The following TCFL5 variants were observed in gnomAD, a reference collection of about 807,000 sequenced individuals.
TCFL5 encodes the protein transcription factor-like 5 protein.
In TCFL5, 9 loss-of-function variants were observed where a neutral mutation model predicts 44.3. The observed-to-expected ratio is 0.20, with a 90% CI of 0.12 to 0.35. TCFL5 has a LOEUF of 0.35. Ranked by LOEUF, TCFL5 falls within the 10% of genes least tolerant of loss-of-function variation. TCFL5 has a pLI of 1.00. For missense variants in TCFL5, 603 were observed against 613.4 expected (o/e 0.98, Z 0.18); for synonymous variants, 319 against 271.6 (o/e 1.17, Z -1.72).
At chr20:62,845,623 G>A (rs532841423) in intron 5 of TCFL5, 119 of 1,595,308 alleles carry the variant, frequency 7.5e-5, no homozygotes, top group African/African-American at 6.9e-4. Flanking sequence ...AGCTGGTCTC[G>A]GACTGCTGGG....
intron 5 of TCFL5, chr20:62,851,859 CA>C: frequency 2.0e-6 from 2 of 977,364 alleles, no homozygotes; most frequent in Non-Finnish European, 2.4e-6. Flanking sequence ...ACCCAGGCTG[CA>C]GTGCAGTGGT....
chr20:62,855,860 T>C (rs1031904233), intron 4 of TCFL5, among the ~76,000 whole-genome samples: 2 of 152,194 alleles, frequency 1.3e-5, no homozygotes, highest in Non-Finnish European at 2.9e-5. Context: ...CTCACTGTTA[T>C]TTATTTCCTG....
chr20:62,860,863 T>C (rs1487963832), intron 1 of TCFL5, among the ~76,000 whole-genome samples, 161 bp downstream of exon 1: 1 of 151,992 alleles, frequency 6.6e-6, no homozygotes, highest in Non-Finnish European at 1.5e-5. Context: ...GCACACAGCC[T>C]TTCGGGGCGG....
chr20:62,853,604 G>A (rs1363744506), intron 5 of TCFL5, among the ~76,000 whole-genome samples: 1 of 152,194 alleles, frequency 6.6e-6, no homozygotes, highest in Non-Finnish European at 1.5e-5. Flanking sequence ...TCCCACTTCA[G>A]CCTCCCAAAG....
chr20:62,845,442 GT>G, intron 5 of TCFL5: 1 of 1,308,882 alleles, frequency 7.6e-7, no homozygotes, highest in Non-Finnish European at 9.8e-7. Context: ...ATTTTAAAAG[GT>G]TTTAGGATGC....
chr20:62,857,400 A>T lies in TCFL5; in HGVS notation c.1233T>A (p.Asp411Glu). The change falls in exon 4 of 6, where the codon GAT (aspartate) becomes GAA (glutamate). Residue 411 changes from aspartate to glutamate, a missense_variant. Physicochemically the swap from Asp to Glu is conservative, Grantham distance 45 (BLOSUM62 2). This residue lies in a region of TCFL5 where 21 missense variants were observed against 54.0 expected (regional missense o/e 0.39). Transcript: ENST00000335351. ...CAAGCAGTCACACGTATTACCTTCT[A>T]TCTCTTTCCATTCGGTTATGCCTCT... ...RRERHNRMER[D>E]RRRRIRICCD... 2.5e-6 allele frequency: 4 copies of T among 1,614,108 alleles called. No individual in the cohort carries two copies. Among genetic ancestry groups the T allele is most frequent in the Non-Finnish European group, 3.4e-6 (4 of 1,180,006 alleles).
chr20:62,861,201 G>A lies in TCFL5; in HGVS notation c.470C>T (p.Ala157Val). Residue 157 changes from alanine to valine, a missense_variant, in exon 1 of 6, where the codon GCC (alanine) becomes GTC (valine). By Grantham distance (64) the Ala-to-Val change is moderately conservative. This residue lies in a region of TCFL5 where 540 missense variants were observed against 478.7 expected (regional missense o/e 1.13). Coordinates refer to ENST00000335351, the MANE Select transcript of TCFL5 (RefSeq NM_006602.4). This position sits in a 1 kb window ranked among gnomAD's most constrained non-coding sequence, Gnocchi z 4.0. ...GDGARARADG[A>V]AKEGAGAAAA... The stretch of plus-strand genomic sequence containing the variant: ...AGCCGCGCCCGCGCCCTCCTTGGCG[G>A]CGCCGTCGGCCCGGGCCCTCGCTCC... 2.9e-6 allele frequency: 3 copies of A among 1,051,350 alleles called. No individual in the cohort carries two copies. Among genetic ancestry groups the A allele is most frequent in the Admixed American group, 5.6e-5 (1 of 17,894 alleles). The allele number at this position is 1,051,350 out of a possible 1,614,324, so 65.1% of individuals were successfully genotyped here.
chr20:62,857,528 C>T lies in TCFL5; in HGVS notation c.1105G>A (p.Ala369Thr). The T allele has an allele frequency of 6.2e-7, 1 of 1,614,234 alleles. No individual in the cohort carries two copies. The highest frequency in any genetic ancestry group is 8.5e-7 in the Non-Finnish European group (1 of 1,180,044). Residue 369 changes from alanine to threonine, a missense_variant, in exon 4 of 6, where the codon GCC (alanine) becomes ACC (threonine). Ala to Thr is a moderately conservative substitution (Grantham distance 58). Coordinates refer to ENST00000335351, the MANE Select transcript of TCFL5 (RefSeq NM_006602.4). ...TGCCAAGCGCCTTGTGTGGCGGTGG[C>T]ACCTTCGCCCACATTCTGAATCTCT... The part of the protein sequence containing the change: ...LGEIQNVGEG[A>T]TATQGAWQSS...
At chr20:62,845,411 C>T (rs1422930806) in intron 5 of TCFL5, 27 of 1,225,442 alleles carry the variant, frequency 2.2e-5, no homozygotes, top group Non-Finnish European at 2.6e-5. Context: ...GCGTGAGCTA[C>T]GACGCCCAGC....
intron 5 of TCFL5, chr20:62,851,572 G>A (rs2063810322): frequency 1.0e-6 from 1 of 985,202 alleles, no homozygotes; most frequent in Non-Finnish European, 1.2e-6. Context: ...TAACTGCATT[G>A]TAAATAACCA....
At position 62,861,645 on chromosome 20, in the gene TCFL5, G is replaced by A. The variant is rs1162906712; in HGVS notation, c.26C>T (p.Pro9Leu). ...GCCTGCCGCGCCTGCCTCCGGCGGC[G>A]GCTCCCGCGGTCCGGGGCCCGACAT... is the stretch of plus-strand genomic sequence containing the variant. Reference protein sequence around the residue: MSGPGPREPPPEAGAAGGE... With the variant: MSGPGPRELPPEAGAAGGE... The change falls in exon 1 of 6, where the codon CCG becomes CTG. Residue 9 changes from proline (P) to leucine (L), a missense_variant. Pro to Leu is a moderately conservative substitution (Grantham distance 98). Coordinates refer to ENST00000335351, the MANE Select transcript of TCFL5 (RefSeq NM_006602.4). The surrounding 1 kb of genome is among the most constrained non-coding windows in gnomAD (Gnocchi z 4.0). 7.3e-6 allele frequency: 7 copies of A among 959,228 alleles called. No homozygotes were observed. The highest frequency in any genetic ancestry group is 6.2e-5 in the Admixed American group (1 of 16,080). The allele number at this position is 959,228 out of a possible 1,614,324, so 59.4% of individuals were successfully genotyped here. A position where few individuals can be genotyped will look rare whatever the true frequency, so the allele number is the denominator to read the frequency against.
In TCFL5 at chr20:62,842,226, TCA is replaced by T. The variant is rs1211867451; in HGVS notation, c.1381-131_1381-130del. On this transcript the variant is annotated intron_variant, in intron 5 of 5. Coordinates refer to ENST00000335351, the MANE Select transcript of TCFL5 (RefSeq NM_006602.4). This position sits in a 1 kb window ranked among gnomAD's most constrained non-coding sequence, Gnocchi z 4.3. Reference sequence around the variant, plus strand: ...AGAATACGCTGTTTTAAGGTGTCATTCACAAACTTGTGTCTTACCTCACAAGG... The same window carrying T: ...AGAATACGCTGTTTTAAGGTGTCATTCAAACTTGTGTCTTACCTCACAAGG... 8.2e-7 allele frequency: 1 copy of T among 1,223,418 alleles called. No homozygotes were observed. Among genetic ancestry groups the T allele is most frequent in the Non-Finnish European group, 1.1e-6 (1 of 886,960 alleles). The allele number at this position is 1,223,418 out of a possible 1,614,324, so 75.8% of individuals were successfully genotyped here.
intron 3 of TCFL5, among the ~76,000 whole-genome samples, chr20:62,858,083 AAAC>A (rs1050776568): frequency 6.8e-4 from 103 of 152,356 alleles, no homozygotes; most frequent in African/African-American, 2.4e-3. Context: ...CAAGAAAAAA[AAAC>A]AATTATTCTA....
intron 5 of TCFL5, among the ~76,000 whole-genome samples, chr20:62,844,623 G>A (rs1010386039): frequency 6.7e-6 from 1 of 148,694 alleles, no homozygotes; most frequent in African/African-American, 2.6e-5. Context: ...TGTCACCCAG[G>A]CTGGAGTGCA....
At position 62,841,871 on chromosome 20, in the gene TCFL5, C is replaced by T; in HGVS notation, c.*104G>A. 6.7e-7 allele frequency: 1 copy of T among 1,502,502 alleles called. No individual in the cohort carries two copies. The highest frequency in any genetic ancestry group is 9.0e-7 in the Non-Finnish European group (1 of 1,117,306). 93.1% of individuals were successfully genotyped at this position (1,502,502 alleles called of 1,614,324 possible). On this transcript the variant is annotated 3_prime_UTR_variant, in exon 6 of 6. Coordinates refer to ENST00000335351, the MANE Select transcript of TCFL5 (RefSeq NM_006602.4). ...GAGTCCCGTCAGCTTGAGTCACGCCCTTTTCGAGTCAGACTAGCCGAGCAG... is the reference window on the plus strand; with the variant it reads ...GAGTCCCGTCAGCTTGAGTCACGCCTTTTTCGAGTCAGACTAGCCGAGCAG...
chr20:62,842,779 TAA>T lies in TCFL5; in HGVS notation c.1381-684_1381-683del, dbSNP rs1275516310. ...ACTCCGTCTCAAAAAAATAAATTTTTAAAAAGTTTCAACAATTAACAAGTCAG... is the reference window on the plus strand; with the variant it reads ...ACTCCGTCTCAAAAAAATAAATTTTTAAAGTTTCAACAATTAACAAGTCAG... On this transcript the variant is annotated intron_variant, in intron 5 of 5. Transcript: ENST00000335351. This position sits in a 1 kb window ranked among gnomAD's most constrained non-coding sequence, Gnocchi z 4.3. 6.6e-6 allele frequency among the ~76,000 whole-genome samples: 1 copy of T among 152,162 alleles called. No homozygotes were observed.
chr20:62,860,374 C>T lies in TCFL5; in HGVS notation c.648-66G>A, dbSNP rs370537771. The T allele has an allele frequency of 6.2e-5, 91 of 1,460,772 alleles. 1 individual carries two copies. The East Asian group carries it at 1.0e-3, about 16-fold the overall frequency. 90.5% of individuals were successfully genotyped at this position (1,460,772 alleles called of 1,614,324 possible). On this transcript the variant is annotated intron_variant, in intron 1 of 5. Coordinates refer to ENST00000335351, the MANE Select transcript of TCFL5 (RefSeq NM_006602.4). ...TGGCAGACAAGCATCCACCATCCCA[C>T]TCCCATGGCTCTGGCTAGTTTTTCC... is the stretch of plus-strand genomic sequence containing the variant.
chr20:62,851,502 C>T, intron 5 of TCFL5: 1 of 983,724 alleles, frequency 1.0e-6, no homozygotes, highest in Non-Finnish European at 1.2e-6. Context: ...TTTTAAAACA[C>T]AAAAGCTTTA....
intron 2 of TCFL5, 35 bp downstream of exon 2, chr20:62,860,090 C>A: frequency 6.3e-7 from 1 of 1,575,158 alleles, no homozygotes; most frequent in East Asian, 2.3e-5. Flanking sequence ...CCATTTAATA[C>A]AAAAGAGCAA....
Sources: allele counts gnomAD v4.1 joint callset (sites outside exome capture counted in the v4.1 genomes callset), GRCh38; gene constraint gnomAD v4.1.1; regional missense constraint gnomAD v4.1.1; non-coding constraint Gnocchi (gnomAD v3.1); transcripts MANE v1.5; gene names NCBI Gene and HGNC (gene_info 2026-07-23, HGNC 2026-07-21).